LPP: variants seen among roughly 807,000 people sequenced by gnomAD.
LPP encodes lipoma-preferred partner.
A neutral mutation model predicts 60.4 loss-of-function variants in LPP; 38 were observed. The observed-to-expected ratio is 0.63, with a 90% confidence interval of 0.49 to 0.83. LPP has a LOEUF of 0.83. Among genes scored for constraint, LPP ranks in the 40% least tolerant of loss-of-function variants. The pLI, the probability that LPP is intolerant of heterozygous loss-of-function variation, is 0.00. For synonymous variants in LPP, 328 were observed against 290.8 expected (o/e 1.13, Z -1.30); for missense variants, 902 against 783.6 (o/e 1.15, Z -1.80).
chr3:188,279,088 G>A (rs73888212), intron 2 of LPP, among the ~76,000 whole-genome samples: 1 of 152,154 alleles, frequency 6.6e-6, no homozygotes, highest in Non-Finnish European at 1.5e-5. Flanking sequence ...CTGACCTCCT[G>A]GGATGAGGCC....
chr3:188,890,291 TCA>T lies in LPP; in HGVS notation c.*15813_*15814del, dbSNP rs1578145456. ...AAACATATAAAGAATATGTCTATTT[TCA>T]TATGTGTGATACTGACAGAGCCATG... On this transcript the variant is annotated 3_prime_UTR_variant, in exon 12 of 12. Coordinates refer to ENST00000617246, the MANE Select transcript of LPP (RefSeq NM_001375462.1). 6 of 209,192 alleles carry T rather than the reference TCA, an allele frequency of 2.9e-5. 1 individual carries two copies. In the East Asian group the frequency reaches 4.3e-4, roughly 15 times the overall value. The allele number at this position is 209,192 out of a possible 1,614,324, so 13.0% of individuals were successfully genotyped here.
chr3:188,802,573 A>G (rs922968164), intron 9 of LPP, among the ~76,000 whole-genome samples: 6 of 152,192 alleles, frequency 3.9e-5, no homozygotes, highest in African/African-American at 1.4e-4. Context: ...ACCTGAGGTC[A>G]GGTGTTCTAG....
intron 8 of LPP, chr3:188,710,274 T>C (rs893845806): frequency 4.6e-5 from 7 of 152,304 alleles, no homozygotes; most frequent in Admixed American, 3.3e-4. Flanking sequence ...CAGTTTAGCT[T>C]AGCTAAAAGA....
chr3:188,513,711 G>A (rs927338590), intron 5 of LPP, among the ~76,000 whole-genome samples: 1 of 152,052 alleles, frequency 6.6e-6, no homozygotes, highest in African/African-American at 2.4e-5. Context: ...AAAGTGAGGG[G>A]TTTTTGTTGC....
intron 7 of LPP, among the ~76,000 whole-genome samples, chr3:188,665,461 T>C (rs913495244): frequency 5.9e-5 from 1 of 16,858 alleles, no homozygotes; most frequent in African/African-American, 1.3e-4. Context: ...CTTCTTCTTC[T>C]TTTTTTTTTT....
intron 7 of LPP, among the ~76,000 whole-genome samples, chr3:188,647,767 GTATC>G (rs1851379984): frequency 6.6e-6 from 1 of 152,176 alleles, no homozygotes; most frequent in Non-Finnish European, 1.5e-5. Flanking sequence ...TTTCTGTAAT[GTATC>G]ACAGCTGTCC....
chr3:188,179,830 G>T, intron 1 of LPP: 1 of 279,408 alleles, frequency 3.6e-6, no homozygotes, highest in Non-Finnish European at 7.0e-6. Flanking sequence ...TCCTGCCTTG[G>T]GTCCATTTGA....
intron 6 of LPP, among the ~76,000 whole-genome samples, chr3:188,582,711 A>G (rs1346137161): frequency 6.6e-6 from 1 of 152,174 alleles, no homozygotes; most frequent in African/African-American, 2.4e-5. Flanking sequence ...CTCAGCCTCA[A>G]TGTTTTCAAA....
rs926357555 is a variant in LPP, at chr3:188,879,084, A to G, written c.*4605A>G. On this transcript the variant is annotated 3_prime_UTR_variant, in exon 12 of 12. Coordinates refer to ENST00000617246, the MANE Select transcript of LPP (RefSeq NM_001375462.1). ...AACTTGTTCTCAGTGAGGCATTAAT[A>G]TGGTGCAACCATGAATATTTCAGGC... is the stretch of plus-strand genomic sequence containing the variant. 3 of 228,204 alleles carry G rather than the reference A, an allele frequency of 1.3e-5. No homozygotes were observed. Among genetic ancestry groups the G allele is most frequent in the Admixed American group, 1.1e-4 (2 of 17,646 alleles). The allele number at this position is 228,204 out of a possible 1,614,324, so 14.1% of individuals were successfully genotyped here.
intron 7 of LPP, among the ~76,000 whole-genome samples, chr3:188,693,394 A>T (rs904621661): frequency 6.6e-6 from 1 of 152,196 alleles, no homozygotes; most frequent in African/African-American, 2.4e-5. Flanking sequence ...TTACTATTGC[A>T]ACCACCAGGC....
intron 2 of LPP, chr3:188,240,229 T>A (rs565556465): frequency 1.1e-5 from 2 of 176,600 alleles, no homozygotes; most frequent in Middle Eastern, 2.2e-3. Context: ...TTAAAAATCC[T>A]TTTGGTATCA....
intron 2 of LPP, among the ~76,000 whole-genome samples, chr3:188,258,542 A>G (rs1270997172): frequency 6.6e-6 from 1 of 152,144 alleles, no homozygotes; most frequent in Admixed American, 6.5e-5. Context: ...GCTGGTCTCG[A>G]ACTCCTGGGC....
rs542136483 is a variant in LPP at position 188,375,841 on chromosome 3, T to A, written c.-9-30271T>A. On this transcript the variant is annotated intron_variant, in intron 3 of 11. Transcript: ENST00000617246. ...CTTTCCTGCTTCTCTTGTGGGCATTTAGTGCTATAAATTTCCCTCTACACA... is the reference window on the plus strand; with the variant it reads ...CTTTCCTGCTTCTCTTGTGGGCATTAAGTGCTATAAATTTCCCTCTACACA... Among the ~76,000 whole-genome samples the A allele has an allele frequency of 2.6e-5, 4 of 152,294 alleles. No individual in the cohort carries two copies. In the East Asian group the frequency reaches 7.7e-4, roughly 29 times the overall value.
chr3:188,188,884 C>G (rs937392992), intron 1 of LPP, among the ~76,000 whole-genome samples: 5 of 152,098 alleles, frequency 3.3e-5, no homozygotes, highest in Non-Finnish European at 2.9e-5. Flanking sequence ...GGATCCTTGT[C>G]TTTGAAAAGC....
At chr3:188,584,197 G>A (rs1275340098) in intron 6 of LPP, 2 of 152,112 alleles carry the variant, frequency 1.3e-5, no homozygotes, top group African/African-American at 4.8e-5. Flanking sequence ...GCTTTTGGGG[G>A]ATTTTTTTTA....
chr3:188,872,282 G>A (rs1768308908), intron 10 of LPP, among the ~76,000 whole-genome samples: 1 of 152,148 alleles, frequency 6.6e-6, no homozygotes, highest in Admixed American at 6.5e-5. Context: ...ACAAAAGTCA[G>A]AAACAAATAG....
At position 188,716,921 on chromosome 3, in the gene LPP, G is replaced by T. The variant is rs188175589; in HGVS notation, c.1240+8528G>T. ...CATCCAACTTCTAGGTCTACCCCTA[G>T]ATTATCATTATTATTATTACATGAT... On this transcript the variant is annotated intron_variant, in intron 8 of 11. Coordinates refer to ENST00000617246, the MANE Select transcript of LPP (RefSeq NM_001375462.1). Among the ~76,000 whole-genome samples the T allele has an allele frequency of 1.8e-4, 27 of 152,312 alleles. No homozygotes were observed. In the South Asian group the frequency reaches 5.4e-3, roughly 30 times the overall value.
chr3:188,761,630 G>A (rs1450069563), intron 9 of LPP, among the ~76,000 whole-genome samples: 1 of 152,188 alleles, frequency 6.6e-6, no homozygotes, highest in Non-Finnish European at 1.5e-5. Context: ...AACCAAGGCT[G>A]CATTCCGTTA....
intron 8 of LPP, 48 bp from the exon 9 acceptor site, chr3:188,760,065 G>A (rs772020319): frequency 1.3e-6 from 2 of 1,588,104 alleles, no homozygotes; most frequent in African/African-American, 2.7e-5. Context: ...GCTTTAGCAG[G>A]ACTGAAGTAC....
Sources: allele counts gnomAD v4.1 joint callset (sites outside exome capture counted in the v4.1 genomes callset), GRCh38; gene constraint gnomAD v4.1.1; transcripts MANE v1.5; gene names NCBI Gene and HGNC (gene_info 2026-07-23, HGNC 2026-07-21).